The following EPB41 variants were observed in gnomAD, a reference collection of about 807,000 sequenced individuals.
EPB41 encodes erythrocyte membrane protein band 4.1.
EPB41 carries 65 observed loss-of-function variants against 108.0 expected under a neutral mutation model. The ratio of observed to expected loss-of-function variants is 0.60; its 90% confidence interval spans 0.49 to 0.74. The LOEUF is 0.74. Among genes scored for constraint, EPB41 ranks in the 30% least tolerant of loss-of-function variants. The pLI, the probability that EPB41 is intolerant of heterozygous loss-of-function variation, is 0.00. For missense variants in EPB41, 875 were observed against 1,037.0 expected (o/e 0.84, Z 2.15); for synonymous variants, 336 against 358.9 (o/e 0.94, Z 0.72).
At chr1:29,072,307 G>C (rs1410681288) in intron 16 of EPB41, 2 of 151,958 alleles carry the variant, frequency 1.3e-5, no homozygotes, top group Non-Finnish European at 2.9e-5. Flanking sequence ...TTTTATCTGG[G>C]AAATAAAGAT....
chr1:29,006,528 C>T (rs1224736995), intron 4 of EPB41, among the ~76,000 whole-genome samples: 6 of 152,010 alleles, frequency 3.9e-5, no homozygotes, highest in East Asian at 1.9e-4. Context: ...TGAGCCACTG[C>T]GCCCGGCCAA....
chr1:28,900,409 T>C (rs901364365), intron 1 of EPB41, among the ~76,000 whole-genome samples: 19 of 146,246 alleles, frequency 1.3e-4, no homozygotes, highest in Non-Finnish European at 2.3e-4. Context: ...AACCTCAGCC[T>C]CCCAAGTAGC....
chr1:28,967,283 G>T (rs1000540981), intron 1 of EPB41, among the ~76,000 whole-genome samples: 5 of 152,184 alleles, frequency 3.3e-5, no homozygotes, highest in Admixed American at 2.0e-4. Context: ...CTCCCAAAGT[G>T]CTGGGATTAC....
rs2096201155 is a variant in EPB41, at chr1:28,997,228, G to C, written c.695G>C (p.Gly232Ala). ...ATATCTTTGCAGAAACATGCTAAGGGACAAGATTTGCTTAAACGAGTATGT... is the reference window on the plus strand; with the variant it reads ...ATATCTTTGCAGAAACATGCTAAGGCACAAGATTTGCTTAAACGAGTATGT... ...YECVVEKHAKGQDLLKRVCEH... is the reference protein window; with the variant it reads ...YECVVEKHAKAQDLLKRVCEH... Residue 232 changes from glycine (G) to alanine (A), a missense_variant, in exon 4 of 21, where the codon GGA becomes GCA. Physicochemically the swap from Gly to Ala is moderately conservative, Grantham distance 60. Transcript: ENST00000343067. The C allele has an allele frequency of 4.3e-6, 7 of 1,613,360 alleles. No individual in the cohort carries two copies. The highest frequency in any genetic ancestry group is 1.3e-5 in the African/African-American group (1 of 74,902).
At chr1:29,029,025 G>C (rs1306609524) in intron 7 of EPB41, among the ~76,000 whole-genome samples, 1 of 145,842 alleles carries the variant, frequency 6.9e-6, no homozygotes, top group Non-Finnish European at 1.5e-5. Context: ...CTGGGTGACA[G>C]AGTGAGACCC....
chr1:29,035,802 C>G (rs941215566), intron 9 of EPB41, 24 bp from the exon 10 acceptor site: 1 of 1,547,954 alleles, frequency 6.5e-7, no homozygotes, highest in Admixed American at 1.7e-5. Flanking sequence ...ACTTCATGTC[C>G]CATGTTTATT....
chr1:28,893,555 G>T (rs1048238759), intron 1 of EPB41: 1 of 152,350 alleles, frequency 6.6e-6, no homozygotes, highest in African/African-American at 2.4e-5. Flanking sequence ...TGTTCACAGG[G>T]ACGCTGCTGC....
At chr1:29,010,596 C>T (rs2096483592) in intron 4 of EPB41, among the ~76,000 whole-genome samples, 1 of 152,000 alleles carries the variant, frequency 6.6e-6, no homozygotes, top group Admixed American at 6.6e-5. Flanking sequence ...TCAAAGGGAC[C>T]TATGAAAGAT....
At chr1:29,028,442 G>A (rs1459979940) in intron 7 of EPB41, among the ~76,000 whole-genome samples, 1 of 152,080 alleles carries the variant, frequency 6.6e-6, no homozygotes, top group Non-Finnish European at 1.5e-5. Flanking sequence ...ATCTCATTTC[G>A]ATCCCAATAG....
intron 1 of EPB41, among the ~76,000 whole-genome samples, chr1:28,934,440 C>T (rs1367349299): frequency 3.3e-5 from 5 of 151,570 alleles, no homozygotes; most frequent in African/African-American, 1.2e-4. Context: ...TGTACTCTAC[C>T]TCCTTGAGGG....
chr1:28,978,577 C>A (rs1440038880), intron 1 of EPB41, among the ~76,000 whole-genome samples: 1 of 151,432 alleles, frequency 6.6e-6, no homozygotes, highest in Non-Finnish European at 1.5e-5. Context: ...TAAGGAATAC[C>A]TAGAAACCTG....
chr1:28,927,969 C>T (rs1001688449), intron 1 of EPB41, among the ~76,000 whole-genome samples: 24 of 152,138 alleles, frequency 1.6e-4, no homozygotes, highest in Non-Finnish European at 2.6e-4. Context: ...GAATCCCTTG[C>T]TGACCTCAGA....
chr1:28,914,799 GC>G (rs1167401010), intron 1 of EPB41, 31 bp downstream of exon 1: 1 of 153,634 alleles, frequency 6.5e-6, no homozygotes, highest in Non-Finnish European at 1.5e-5. Context: ...CGGCGCGGGA[GC>G]CGGGGCGGTG....
chr1:29,016,391 G>A (rs945555961), intron 6 of EPB41, among the ~76,000 whole-genome samples: 1 of 136,082 alleles, frequency 7.3e-6, no homozygotes, highest in African/African-American at 2.8e-5. Context: ...TTTTCGCCAT[G>A]TTGGCCAGGC....
At chr1:29,046,820 A>G (rs1643355762) in intron 11 of EPB41, among the ~76,000 whole-genome samples, 1 of 152,276 alleles carries the variant, frequency 6.6e-6, no homozygotes, top group Middle Eastern at 3.4e-3. Flanking sequence ...TTAATGTGGT[A>G]TATTATTTTT....
intron 1 of EPB41, among the ~76,000 whole-genome samples, chr1:28,983,119 C>A (rs1239911006): frequency 6.6e-6 from 1 of 152,154 alleles, no homozygotes; most frequent in East Asian, 1.9e-4. Flanking sequence ...GCACTTGTCA[C>A]AGCTGGGTAG....
In EPB41 at chr1:29,039,409, C is replaced by G; in HGVS notation, c.1619C>G (p.Ser540Cys). The part of the protein sequence containing the change: ...HFERTASKRA[S>C]RSLDGAAAVD... Reference sequence around the variant, plus strand: ...GAGCGTACAGCAAGTAAACGGGCGTCCCGGAGCCTCGATGGAGGTTTGTAT... The same window carrying G: ...GAGCGTACAGCAAGTAAACGGGCGTGCCGGAGCCTCGATGGAGGTTTGTAT... The change falls in exon 11 of 21, where the codon TCC (serine) becomes TGC (cysteine). Residue 540 changes from serine to cysteine, a missense_variant. Ser to Cys is a moderately radical substitution (Grantham distance 112). This residue lies in a region of EPB41 where 519 missense variants were observed against 627.3 expected (regional missense o/e 0.83). Coordinates refer to ENST00000343067, the MANE Select transcript of EPB41 (RefSeq NM_001376013.1). 6.2e-7 allele frequency: 1 copy of G among 1,613,996 alleles called. No homozygotes were observed. Among genetic ancestry groups the G allele is most frequent in the Non-Finnish European group, 8.5e-7 (1 of 1,180,024 alleles).
intron 18 of EPB41, among the ~76,000 whole-genome samples, chr1:29,110,299 C>T (rs1052306231): frequency 2.0e-5 from 3 of 150,128 alleles, no homozygotes; most frequent in Non-Finnish European, 4.4e-5. Flanking sequence ...AAGCCGTGAT[C>T]ATGCCACTGC....
At chr1:28,992,570 T>C (rs989946688) in intron 2 of EPB41, among the ~76,000 whole-genome samples, 3 of 152,134 alleles carry the variant, frequency 2.0e-5, no homozygotes, top group Non-Finnish European at 4.4e-5. Context: ...GCGCCTGTAG[T>C]CCCAGCTATT....
Sources: allele counts gnomAD v4.1 joint callset (sites outside exome capture counted in the v4.1 genomes callset), GRCh38; gene constraint gnomAD v4.1.1; regional missense constraint gnomAD v4.1.1; transcripts MANE v1.5; gene names NCBI Gene and HGNC (gene_info 2026-07-23, HGNC 2026-07-21).